Variants in TAFA1 observed in about 807,000 individuals in gnomAD.
TAFA1 encodes the protein TAFA chemokine like family member 1.
In TAFA1, 4 loss-of-function variants were observed where a neutral mutation model predicts 18.5. That is an observed-to-expected ratio of 0.22 (90% CI 0.11 to 0.49). The LOEUF is 0.49. Ranked by LOEUF, TAFA1 falls within the 20% of genes least tolerant of loss-of-function variation. The pLI, the probability that TAFA1 is intolerant of heterozygous loss-of-function variation, is 0.98. For missense variants in TAFA1, 147 were observed against 169.0 expected (o/e 0.87, Z 0.72); for synonymous variants, 56 against 55.2 (o/e 1.01, Z -0.06).
intron 2 of TAFA1, among the ~76,000 whole-genome samples, chr3:68,077,908 A>G: frequency 6.6e-6 from 1 of 151,060 alleles, no homozygotes; most frequent in Middle Eastern, 3.4e-3. Context: ...GGCAGTATGG[A>G]CACTTTCACG....
chr3:68,335,289 A>G (rs1451136073), intron 2 of TAFA1, among the ~76,000 whole-genome samples: 1 of 152,210 alleles, frequency 6.6e-6, no homozygotes. Flanking sequence ...GGCATAAAAA[A>G]TGATAAGCAC....
At chr3:68,069,196 C>A (rs927022463) in intron 2 of TAFA1, among the ~76,000 whole-genome samples, 1 of 152,064 alleles carries the variant, frequency 6.6e-6, no homozygotes, top group Non-Finnish European at 1.5e-5. Context: ...TAAAGACATA[C>A]CCGAGACTGG....
intron 2 of TAFA1, among the ~76,000 whole-genome samples, chr3:68,376,364 C>A (rs1009415529): frequency 6.6e-6 from 1 of 151,648 alleles, no homozygotes; most frequent in Non-Finnish European, 1.5e-5. Flanking sequence ...GGTATTAAGC[C>A]CAGTACCCAT....
intron 2 of TAFA1, among the ~76,000 whole-genome samples, chr3:68,206,093 C>G (rs2066523146): frequency 6.6e-6 from 1 of 151,492 alleles, no homozygotes; most frequent in Non-Finnish European, 1.5e-5. Context: ...TTTTAAAAAC[C>G]ACAGATTTAC....
chr3:68,351,142 A>G (rs1348413070), intron 2 of TAFA1, among the ~76,000 whole-genome samples: 2 of 152,078 alleles, frequency 1.3e-5, no homozygotes, highest in Non-Finnish European at 2.9e-5. Flanking sequence ...GAACCCAGGC[A>G]TCAGTATTGT....
At chr3:68,020,781 A>G (rs1440467924) in intron 2 of TAFA1, among the ~76,000 whole-genome samples, 2 of 152,210 alleles carry the variant, frequency 1.3e-5, no homozygotes, top group Non-Finnish European at 2.9e-5. Flanking sequence ...AATACATAAT[A>G]GTTGGCCACA....
intron 3 of TAFA1, among the ~76,000 whole-genome samples, chr3:68,495,993 T>G (rs2072540341): frequency 1.0e-5 from 1 of 98,646 alleles, no homozygotes; most frequent in Admixed American, 1.2e-4. Context: ...CTTCTTTCCC[T>G]GAAGCAAAAA....
chr3:68,291,174 T>C (rs9862901), intron 2 of TAFA1, among the ~76,000 whole-genome samples: 9,824 of 152,132 alleles, frequency 0.065, 491 homozygotes, highest in African/African-American at 0.14. Context: ...AATATATAGG[T>C]GTTGAATCGA....
At chr3:68,016,908 CA>C (rs1049510122) in intron 2 of TAFA1, among the ~76,000 whole-genome samples, 5 of 151,994 alleles carry the variant, frequency 3.3e-5, no homozygotes, top group African/African-American at 1.2e-4. Flanking sequence ...ATTTGTGATT[CA>C]TACAAATTTT....
intron 2 of TAFA1, among the ~76,000 whole-genome samples, chr3:68,302,844 G>A (rs1458284942): frequency 6.6e-6 from 1 of 152,094 alleles, no homozygotes; most frequent in East Asian, 1.9e-4. Context: ...ATAAAATGGG[G>A]CTAATTATAA....
intron 2 of TAFA1, among the ~76,000 whole-genome samples, chr3:68,030,323 C>T (rs1036871433): frequency 2.0e-5 from 3 of 151,792 alleles, no homozygotes; most frequent in Admixed American, 1.3e-4. Context: ...AGGTTTGTTA[C>T]ATAAGTATAT....
At chr3:68,243,546 T>C (rs1479201714) in intron 2 of TAFA1, among the ~76,000 whole-genome samples, 1 of 152,210 alleles carries the variant, frequency 6.6e-6, no homozygotes, top group African/African-American at 2.4e-5. Context: ...AATGAAATCA[T>C]ATCGTATATA....
chr3:68,500,218 G>A (rs1445805352), intron 3 of TAFA1, among the ~76,000 whole-genome samples: 1 of 152,098 alleles, frequency 6.6e-6, no homozygotes, highest in Non-Finnish European at 1.5e-5. Flanking sequence ...CTTAAGTCAT[G>A]TTGTGTTCTA....
chr3:68,107,531 A>T (rs2065216816), intron 2 of TAFA1, among the ~76,000 whole-genome samples: 1 of 152,140 alleles, frequency 6.6e-6, no homozygotes, highest in Admixed American at 6.6e-5. Context: ...ACATGAATGA[A>T]GCTAAATCTT....
chr3:68,463,122 G>C (rs1172101947), intron 3 of TAFA1, among the ~76,000 whole-genome samples: 1 of 152,106 alleles, frequency 6.6e-6, no homozygotes. Context: ...AGCTGAAAGG[G>C]CATCATAGAG....
rs1197266276 is a variant in TAFA1 at position 68,545,464 on chromosome 3, T to A, written c.*961T>A. ...CATAGTGCTGTAGCAACAAGTCTTATCATGGCATCTCTTTCTATGTTTGGT... is the reference window on the plus strand; with the variant it reads ...CATAGTGCTGTAGCAACAAGTCTTAACATGGCATCTCTTTCTATGTTTGGT... On this transcript the variant is annotated 3_prime_UTR_variant, in exon 5 of 5. Transcript: ENST00000478136. 6.6e-6 allele frequency: 1 copy of A among 152,610 alleles called. No individual in the cohort carries two copies. Among genetic ancestry groups the A allele is most frequent in the Non-Finnish European group, 1.5e-5 (1 of 68,028 alleles). The allele number at this position is 152,610 out of a possible 1,614,324, so 9.5% of individuals were successfully genotyped here.
intron 2 of TAFA1, among the ~76,000 whole-genome samples, chr3:68,158,446 A>T (rs2065889313): frequency 6.6e-6 from 1 of 151,936 alleles, no homozygotes; most frequent in East Asian, 1.9e-4. Context: ...GCTGATATAC[A>T]TTTCTCTTTA....
intron 2 of TAFA1, among the ~76,000 whole-genome samples, chr3:68,288,042 G>C (rs1197076476): frequency 6.6e-6 from 1 of 152,002 alleles, no homozygotes; most frequent in Non-Finnish European, 1.5e-5. Flanking sequence ...TGTTAGTGAA[G>C]CGCTTTCCTT....
intron 2 of TAFA1, among the ~76,000 whole-genome samples, chr3:68,166,842 C>T (rs2065987167): frequency 6.6e-6 from 1 of 152,070 alleles, no homozygotes; most frequent in African/African-American, 2.4e-5. Flanking sequence ...TCCCCTTATA[C>T]GCTTGTATAA....
Sources: gnomAD v4.1 joint callset for allele counts (sites outside exome capture counted in the v4.1 genomes callset) on GRCh38, gnomAD v4.1.1 for gene constraint, MANE v1.5 for transcripts, NCBI Gene and HGNC (gene_info 2026-07-23, HGNC 2026-07-21) for gene names.